UQCC1: variants seen among roughly 807,000 people sequenced by gnomAD.
UQCC1 encodes ubiquinol-cytochrome c reductase complex assembly factor 1, also known as bFGF-repressed Zic-binding protein.
A neutral mutation model predicts 48.0 loss-of-function variants in UQCC1; 38 were observed. The ratio of observed to expected loss-of-function variants is 0.79; its 90% CI spans 0.61 to 1.04. UQCC1 has a LOEUF of 1.04. Ranked by LOEUF, UQCC1 falls within the 50% of genes least tolerant of loss-of-function variation. UQCC1 has a pLI of 0.00. For synonymous variants in UQCC1, 111 were observed against 129.2 expected, an observed-to-expected ratio of 0.86 and a Z score of 0.95; for missense variants, 368 against 381.8, an observed-to-expected ratio of 0.96 and a Z score of 0.30.
intron 8 of UQCC1, chr20:35,309,251 G>A (rs747610754): frequency 1.1e-5 from 5 of 438,668 alleles, no homozygotes; most frequent in Non-Finnish European, 2.3e-5. Context: ...TGGACAACAT[G>A]GCGAAACTGT....
chr20:35,405,336 C>A (rs2062235703), intron 1 of UQCC1, among the ~76,000 whole-genome samples: 1 of 152,170 alleles, frequency 6.6e-6, no homozygotes, highest in East Asian at 1.9e-4. Context: ...TCAGAAAAGT[C>A]ACTAAACAAA....
At chr20:35,326,523 C>T (rs1410861757) in intron 7 of UQCC1, among the ~76,000 whole-genome samples, 1 of 152,170 alleles carries the variant, frequency 6.6e-6, no homozygotes, top group Non-Finnish European at 1.5e-5. Flanking sequence ...GCAGGCGTCT[C>T]CAGTGGAGCA....
chr20:35,388,308 T>TTTTTTTTTTTGGG (rs67663221), intron 2 of UQCC1, among the ~76,000 whole-genome samples: 4 of 121,250 alleles, frequency 3.3e-5, no homozygotes, highest in African/African-American at 6.3e-5. Flanking sequence ...TCTTTTTTTT[T>TTTTTTTTTTTGGG]GAGACAGGGT....
At chr20:35,375,284 G>A (rs2061783177) in intron 4 of UQCC1, among the ~76,000 whole-genome samples, 1 of 152,018 alleles carries the variant, frequency 6.6e-6, no homozygotes, top group South Asian at 2.1e-4. Flanking sequence ...ACTATATAAT[G>A]TTCATGTTTT....
At chr20:35,329,090 T>A (rs1336755812) in intron 7 of UQCC1, among the ~76,000 whole-genome samples, 1 of 152,226 alleles carries the variant, frequency 6.6e-6, no homozygotes, top group Admixed American at 6.5e-5. Context: ...ATACATTCAA[T>A]ATTGCCTTCA....
In UQCC1 at chr20:35,400,556, T is replaced by C. The variant is rs532340044; in HGVS notation, c.25-6360A>G. 7.3e-3 allele frequency among the ~76,000 whole-genome samples: 1,098 copies of C among 150,918 alleles called. 15 individuals carry two copies. Among genetic ancestry groups the C allele is most frequent in the African/African-American group, 0.024 (974 of 41,042 alleles). ...CGTTGCCCAGGCTGGAGTGCAGTGG[T>C]GGGATCTCAGCTCACTGCAAGCTCC... On this transcript the variant is annotated intron_variant, in intron 1 of 9. Transcript: ENST00000374385.
chr20:35,356,580 G>A lies in UQCC1; in HGVS notation c.465-9308C>T, dbSNP rs78022818. Among the ~76,000 whole-genome samples the A allele has an allele frequency of 1.5e-3, 233 of 152,346 alleles. 1 individual carries two copies. Among genetic ancestry groups the A allele is most frequent in the African/African-American group, 4.7e-3 (197 of 41,578 alleles). On this transcript the variant is annotated intron_variant, in intron 6 of 9. Transcript: ENST00000374385. The stretch of plus-strand genomic sequence containing the variant: ...ATTTTTACAACAACTCCATGAAGCT[G>A]ATACTTGTGTCCTTACTGTCCTCAT...
intron 7 of UQCC1, chr20:35,345,796 C>G (rs2061425733): frequency 6.6e-6 from 1 of 152,122 alleles, no homozygotes; most frequent in Admixed American, 6.6e-5. Flanking sequence ...GTTTATTTCT[C>G]AGTCCACAGG....
chr20:35,339,106 G>C (rs1209205412), intron 7 of UQCC1, among the ~76,000 whole-genome samples: 2 of 151,422 alleles, frequency 1.3e-5, no homozygotes, highest in African/African-American at 4.9e-5. Context: ...TTTTCAAAGG[G>C]GGAGGGTAGT....
rs2061262117 is a variant in UQCC1, at chr20:35,331,947, A to G, written c.573+15217T>C. On this transcript the variant is annotated intron_variant, in intron 7 of 9. Coordinates refer to ENST00000374385, the MANE Select transcript of UQCC1 (RefSeq NM_018244.5). ...TGCTAAGCCATATTGTTTAAGTCAC[A>G]TAACTGTGCGTGACTTACCTTATAG... Among the ~76,000 whole-genome samples, 2 of 152,358 alleles carry G rather than the reference A, an allele frequency of 1.3e-5. 1 individual carries two copies. The highest frequency in any genetic ancestry group is 4.8e-5 in the African/African-American group (2 of 41,588).
intron 5 of UQCC1, among the ~76,000 whole-genome samples, chr20:35,373,960 C>T (rs1197127444): frequency 1.3e-5 from 2 of 152,100 alleles, no homozygotes; most frequent in Admixed American, 6.6e-5. Context: ...ACTGCTTGAG[C>T]CCAGGAGTTT....
chr20:35,382,167 C>T lies in UQCC1; in HGVS notation c.226-142G>A, dbSNP rs972916847. 7.8e-5 allele frequency: 43 copies of T among 553,180 alleles called. 1 individual carries two copies. Among genetic ancestry groups the T allele is most frequent in the Non-Finnish European group, 1.9e-5 (6 of 312,024 alleles). The allele number at this position is 553,180 out of a possible 1,614,324, so 34.3% of individuals were successfully genotyped here. A position where few individuals can be genotyped will look rare whatever the true frequency, so the allele number is the denominator to read the frequency against. ...CCTCACCCAGGCTAAAGTGAAGTGGCACAATCATAGCTCACTGCAGCCTCA... is the reference window on the plus strand; with the variant it reads ...CCTCACCCAGGCTAAAGTGAAGTGGTACAATCATAGCTCACTGCAGCCTCA... On this transcript the variant is annotated intron_variant, in intron 3 of 9. Coordinates refer to ENST00000374385, the MANE Select transcript of UQCC1 (RefSeq NM_018244.5).
At chr20:35,309,446 A>AT (rs1491190871) in intron 8 of UQCC1, among the ~76,000 whole-genome samples, 1 of 151,958 alleles carries the variant, frequency 6.6e-6, no homozygotes, top group Non-Finnish European at 1.5e-5. Context: ...AAAAAAAAAA[A>AT]GAATAGCTGA....
intron 5 of UQCC1, among the ~76,000 whole-genome samples, chr20:35,373,489 G>T (rs2146458989): frequency 6.6e-6 from 1 of 152,258 alleles, no homozygotes; most frequent in South Asian, 2.1e-4. Context: ...GACCAGCCTA[G>T]CCAACATGGT....
At chr20:35,394,025 T>G (rs1389551639) in intron 2 of UQCC1, 67 bp downstream of exon 2, 8 of 1,490,880 alleles carry the variant, frequency 5.4e-6, no homozygotes, top group Non-Finnish European at 7.5e-6. Context: ...GGCTAATCTA[T>G]AAATACATGA....
chr20:35,320,198 C>T (rs977915565), intron 7 of UQCC1, among the ~76,000 whole-genome samples: 1 of 152,134 alleles, frequency 6.6e-6, no homozygotes, highest in East Asian at 1.9e-4. Flanking sequence ...CTGCCCTCTC[C>T]CCCATCTACA....
intron 2 of UQCC1, chr20:35,392,137 T>C: frequency 1.2e-6 from 1 of 836,784 alleles, no homozygotes; most frequent in Non-Finnish European, 1.8e-6. Context: ...GTAAATTTAC[T>C]ATGTGAAAAC....
chr20:35,400,645 G>C (rs1007893000), intron 1 of UQCC1, among the ~76,000 whole-genome samples: 1 of 151,830 alleles, frequency 6.6e-6, no homozygotes, highest in Non-Finnish European at 1.5e-5. Flanking sequence ...ACAGGCGCCC[G>C]CCACCTCGCC....
At chr20:35,324,535 C>G (rs1223000865) in intron 7 of UQCC1, among the ~76,000 whole-genome samples, 1 of 152,176 alleles carries the variant, frequency 6.6e-6, no homozygotes, top group Admixed American at 6.5e-5. Flanking sequence ...ACCGTGTTAG[C>G]CAGGATGGTC....
Sources: gnomAD v4.1 joint callset for allele counts (sites outside exome capture counted in the v4.1 genomes callset) on GRCh38, gnomAD v4.1.1 for gene constraint, MANE v1.5 for transcripts, NCBI Gene and HGNC (gene_info 2026-07-23, HGNC 2026-07-21) for gene names.